LTBP1: variants seen among roughly 807,000 people sequenced by gnomAD.
The protein encoded by LTBP1 is latent transforming growth factor beta binding protein 1.
Under a neutral mutation model 207.6 loss-of-function variants are expected in LTBP1, and 129 were observed. The observed-to-expected ratio is 0.62, with a 90% CI of 0.54 to 0.72. LTBP1 has a LOEUF of 0.72. Ranked by LOEUF, LTBP1 falls within the 30% of genes least tolerant of loss-of-function variation. The pLI, the probability that LTBP1 is intolerant of heterozygous loss-of-function variation, is 0.00. For synonymous variants in LTBP1, 963 were observed against 833.7 expected (o/e 1.16, Z -2.67); for missense variants, 2,281 against 2,217.2 (o/e 1.03, Z -0.58).
intron 3 of LTBP1, among the ~76,000 whole-genome samples, chr2:33,053,611 C>G (rs2076850994): frequency 6.6e-6 from 1 of 151,918 alleles, no homozygotes; most frequent in Non-Finnish European, 1.5e-5. Flanking sequence ...ATCCGGGGAT[C>G]CATAGTCGGC....
At chr2:33,067,711 A>G (rs894757988) in intron 3 of LTBP1, among the ~76,000 whole-genome samples, 1 of 152,202 alleles carries the variant, frequency 6.6e-6, no homozygotes, top group Admixed American at 6.5e-5. Context: ...ATATGCATAG[A>G]TTAGAAGCAA....
intron 5 of LTBP1, among the ~76,000 whole-genome samples, chr2:33,186,592 C>T (rs1337552161): frequency 6.6e-6 from 1 of 152,062 alleles, no homozygotes; most frequent in Non-Finnish European, 1.5e-5. Context: ...ACACTCTTTT[C>T]CTATGAACTT....
chr2:33,199,061 CT>C (rs2088902745), intron 7 of LTBP1, among the ~76,000 whole-genome samples: 1 of 152,122 alleles, frequency 6.6e-6, no homozygotes, highest in African/African-American at 2.4e-5. Context: ...CCTCTACACA[CT>C]GCTTCGAATG....
intron 21 of LTBP1, among the ~76,000 whole-genome samples, chr2:33,300,967 G>T (rs771214802): frequency 6.6e-6 from 1 of 152,046 alleles, no homozygotes; most frequent in Non-Finnish European, 1.5e-5. Context: ...CTTAATTTTT[G>T]TATTTAACGT....
chr2:33,387,515 T>C (rs201101292), intron 31 of LTBP1, among the ~76,000 whole-genome samples: 114 of 152,350 alleles, frequency 7.5e-4, no homozygotes, highest in African/African-American at 2.6e-3. Flanking sequence ...TGCTTCCACA[T>C]AAGGAGAATT....
At chr2:33,323,775 T>A (rs898871009) in intron 24 of LTBP1, among the ~76,000 whole-genome samples, 2 of 152,186 alleles carry the variant, frequency 1.3e-5, no homozygotes, top group African/African-American at 4.8e-5. Context: ...CTAGGAAACA[T>A]TCTTAATAAG....
chr2:33,371,268 C>T, intron 31 of LTBP1, among the ~76,000 whole-genome samples: 1 of 152,190 alleles, frequency 6.6e-6, no homozygotes, highest in Non-Finnish European at 1.5e-5. Flanking sequence ...GACTGTCTCC[C>T]CATTCAGACT....
intron 3 of LTBP1, among the ~76,000 whole-genome samples, chr2:33,041,933 A>T (rs1396253126): frequency 1.3e-5 from 2 of 152,208 alleles, no homozygotes; most frequent in African/African-American, 4.8e-5. Context: ...ACTGTTTGCT[A>T]TAGTGACTAT....
chr2:33,085,181 TTTTAGAGCTGCCAGAGGGAG>T (rs1376359398), intron 3 of LTBP1, among the ~76,000 whole-genome samples: 1 of 152,082 alleles, frequency 6.6e-6, no homozygotes, highest in African/African-American at 2.4e-5. Context: ...GATGATTCTC[TTTTAGAGCTGCCAGAGGGAG>T]TGTGGCTCTG....
chr2:33,373,506 C>T (rs901813326), intron 31 of LTBP1, among the ~76,000 whole-genome samples: 3 of 152,200 alleles, frequency 2.0e-5, no homozygotes, highest in Admixed American at 6.5e-5. Context: ...AAAGCAATGT[C>T]AGTATGTATC....
At chr2:32,996,352 T>G (rs892133190) in intron 2 of LTBP1, among the ~76,000 whole-genome samples, 1 of 152,112 alleles carries the variant, frequency 6.6e-6, no homozygotes, top group Non-Finnish European at 1.5e-5. Flanking sequence ...ACTCCATTCA[T>G]AAGGGCTTCA....
At chr2:33,302,253 C>T (rs1211214228) in intron 22 of LTBP1, among the ~76,000 whole-genome samples, 1 of 152,194 alleles carries the variant, frequency 6.6e-6, no homozygotes, top group African/African-American at 2.4e-5. Flanking sequence ...TGTGACCTTT[C>T]TCTGCATTCA....
chr2:32,961,108 A>G (rs1679037661), intron 2 of LTBP1, among the ~76,000 whole-genome samples: 1 of 152,232 alleles, frequency 6.6e-6, no homozygotes, highest in South Asian at 2.1e-4. Flanking sequence ...AATTCATTAG[A>G]TCACTTTGAT....
intron 7 of LTBP1, among the ~76,000 whole-genome samples, chr2:33,215,002 C>G (rs561317799): frequency 8.6e-5 from 13 of 151,708 alleles, no homozygotes; most frequent in African/African-American, 3.1e-4. Context: ...CTGGTACTTT[C>G]GAGAGGGCAA....
At position 33,188,606 on chromosome 2, in the gene LTBP1, C is replaced by T. The variant is rs1443167046; in HGVS notation, c.1456C>T (p.His486Tyr). ...VKFPPNIVNIHVKHPPEASVQ... is the reference protein window; with the variant it reads ...VKFPPNIVNIYVKHPPEASVQ... ...ATTTCCTCCTAACATAGTCAATATC[C>T]ATGTGAAACATCCTCCTGAAGCTTC... Residue 486 changes from histidine to tyrosine, a missense_variant, in exon 7 of 34, where the codon CAT becomes TAT. Around this residue, in one of 3 missense-constraint regions of LTBP1, gnomAD observed 1,671 missense variants for 1,634.8 expected, o/e 1.02. Coordinates refer to ENST00000404816, the MANE Select transcript of LTBP1 (RefSeq NM_206943.4). 2 of 1,613,604 alleles carry T rather than the reference C, an allele frequency of 1.2e-6. No homozygotes were observed. The highest frequency in any genetic ancestry group is 1.7e-5 in the Admixed American group (1 of 60,006).
chr2:33,240,674 G>A (rs1469686201), intron 9 of LTBP1, among the ~76,000 whole-genome samples: 2 of 130,060 alleles, frequency 1.5e-5, no homozygotes, highest in African/African-American at 6.2e-5. Flanking sequence ...TTTTTGAGAC[G>A]GAGTCTTGCT....
chr2:33,312,847 G>C (rs553892258), intron 23 of LTBP1, among the ~76,000 whole-genome samples: 1 of 152,268 alleles, frequency 6.6e-6, no homozygotes, highest in African/African-American at 2.4e-5. Flanking sequence ...TGAGGCATAG[G>C]ATAAAATAAG....
At chr2:33,110,265 C>T (rs1023154008) in intron 3 of LTBP1, among the ~76,000 whole-genome samples, 4 of 152,128 alleles carry the variant, frequency 2.6e-5, no homozygotes, top group Admixed American at 2.6e-4. Context: ...AATATAAATG[C>T]CATGTTTTTG....
Position 33,389,212 on chromosome 2 carries a change from C to G in LTBP1, c.4740C>G (p.Pro1580=), listed in dbSNP as rs369478116. The G allele has an allele frequency of 1.2e-6, 2 of 1,614,124 alleles. No individual in the cohort carries two copies. The highest frequency in any genetic ancestry group is 4.5e-5 in the East Asian group (2 of 44,872). ...SDDYAQLCNI[P]VTGRRQPYGR... ...ACTATGCTCAGCTGTGTAACATCCCCGTGACGGGACGCCGGCAGCCATATG... is the reference window on the plus strand; with the variant it reads ...ACTATGCTCAGCTGTGTAACATCCCGGTGACGGGACGCCGGCAGCCATATG... The change falls in exon 32 of 34, where the codon CCC becomes CCG. Residue 1580 remains proline (P), a synonymous_variant. Coordinates refer to ENST00000404816, the MANE Select transcript of LTBP1 (RefSeq NM_206943.4).
Sources: allele counts gnomAD v4.1 joint callset (sites outside exome capture counted in the v4.1 genomes callset), GRCh38; gene constraint gnomAD v4.1.1; regional missense constraint gnomAD v4.1.1; transcripts MANE v1.5; gene names NCBI Gene and HGNC (gene_info 2026-07-23, HGNC 2026-07-21).